Variants in OSBPL10 observed in about 807,000 individuals in gnomAD.
OSBPL10 encodes the protein oxysterol binding protein like 10, also known as oxysterol-binding protein-related protein 10.
In OSBPL10, 49 loss-of-function variants were observed where a neutral mutation model predicts 81.7. That is an observed-to-expected ratio of 0.60 (90% CI 0.48 to 0.76). OSBPL10 has a LOEUF of 0.76. OSBPL10 is among the 30% of genes least tolerant of loss of function. OSBPL10 has a pLI of 0.00. For synonymous variants in OSBPL10, 419 were observed against 383.6 expected (o/e 1.09, Z -1.08); for missense variants, 923 against 987.8 (o/e 0.93, Z 0.88).
chr3:32,023,661 G>A (rs931589107), intron 2 of OSBPL10, among the ~76,000 whole-genome samples: 1 of 152,126 alleles, frequency 6.6e-6, no homozygotes, highest in Non-Finnish European at 1.5e-5. Context: ...AGAACCGCTG[G>A]TGAAAATTAA....
Position 31,780,276 on chromosome 3 carries a change from G to C in OSBPL10, c.730-32156C>G, listed in dbSNP as rs541219738. 1.1e-3 allele frequency among the ~76,000 whole-genome samples: 165 copies of C among 152,210 alleles called. 1 individual carries two copies. Among genetic ancestry groups the C allele is most frequent in the Middle Eastern group, 3.4e-3 (1 of 294 alleles). ...CCACTGCACTCTAGCCTGGGTGACA[G>C]AGCAAGACTCCGTCAAAAAAAAAGA... On this transcript the variant is annotated intron_variant, in intron 4 of 11. Transcript: ENST00000396556.
At chr3:31,869,309 T>C (rs1701261162) in intron 3 of OSBPL10, among the ~76,000 whole-genome samples, 1 of 152,188 alleles carries the variant, frequency 6.6e-6, no homozygotes, top group Non-Finnish European at 1.5e-5. Context: ...AACCCCACAA[T>C]ATCATTTCTA....
At chr3:31,883,859 A>G (rs1321064701) in intron 1 of OSBPL10, among the ~76,000 whole-genome samples, 1 of 152,150 alleles carries the variant, frequency 6.6e-6, no homozygotes, top group Non-Finnish European at 1.5e-5. Context: ...GTAGAAAAGG[A>G]AGGGGATAAA....
chr3:32,054,832 T>C (rs1037015100), intron 1 of OSBPL10, among the ~76,000 whole-genome samples: 11 of 152,014 alleles, frequency 7.2e-5, no homozygotes, highest in African/African-American at 2.7e-4. Context: ...TGCCCAGCAA[T>C]TGTGGCTTTA....
At chr3:31,990,257 G>T in intron 2 of OSBPL10, 1 of 1,613,870 alleles carries the variant, frequency 6.2e-7, no homozygotes, top group Non-Finnish European at 8.5e-7. Flanking sequence ...GCAATCCATG[G>T]TATAGGGAAA....
At chr3:32,007,632 C>T (rs574906653) in intron 2 of OSBPL10, among the ~76,000 whole-genome samples, 9 of 152,236 alleles carry the variant, frequency 5.9e-5, no homozygotes, top group Non-Finnish European at 1.0e-4. Flanking sequence ...CTCTCTTATA[C>T]GGACACTAAT....
At chr3:31,846,056 A>C (rs930612423) in intron 3 of OSBPL10, among the ~76,000 whole-genome samples, 2 of 152,168 alleles carry the variant, frequency 1.3e-5, no homozygotes, top group African/African-American at 4.8e-5. Flanking sequence ...TCTGTCACCC[A>C]GGATGAAGTG....
At chr3:31,817,231 G>GA (rs1699860214) in intron 4 of OSBPL10, among the ~76,000 whole-genome samples, 1 of 152,178 alleles carries the variant, frequency 6.6e-6, no homozygotes, top group African/African-American at 2.4e-5. Context: ...CCTAAAGATG[G>GA]GGCCTTACTG....
intron 4 of OSBPL10, among the ~76,000 whole-genome samples, chr3:31,776,806 T>G (rs992819263): frequency 2.0e-5 from 3 of 152,142 alleles, no homozygotes; most frequent in African/African-American, 4.8e-5. Flanking sequence ...GAGGGCTGAC[T>G]GCTACACAGG....
At chr3:31,965,650 A>G (rs1698341604) in intron 1 of OSBPL10, among the ~76,000 whole-genome samples, 5 of 61,424 alleles carry the variant, frequency 8.1e-5, no homozygotes, top group African/African-American at 3.2e-4. Flanking sequence ...TATAAATTAT[A>G]TATTATATAT....
chr3:31,693,844 T>C (rs1460670909), intron 7 of OSBPL10, among the ~76,000 whole-genome samples: 1 of 152,192 alleles, frequency 6.6e-6, no homozygotes, highest in South Asian at 2.1e-4. Context: ...CATAGCTCAC[T>C]AGAGCCTCAA....
In OSBPL10 at chr3:31,830,224, G is replaced by A; in HGVS notation, c.545C>T (p.Pro182Leu). The change falls in exon 4 of 12, where the codon CCA becomes CTA. Residue 182 changes from proline to leucine, a missense_variant. This residue lies in a region of OSBPL10 where 514 missense variants were observed against 508.0 expected (regional missense o/e 1.01). Transcript: ENST00000396556. ...YHMEMNSKSA[P>L]SSRSRSLTLL... Reference sequence around the variant, plus strand: ...AGTGAGACTTCGGCTTCGGGAGCTTGGAGCACTCTAGAATAAGCAACAGGT... The same window carrying A: ...AGTGAGACTTCGGCTTCGGGAGCTTAGAGCACTCTAGAATAAGCAACAGGT... 1.2e-6 allele frequency: 2 copies of A among 1,613,322 alleles called. No homozygotes were observed. The highest frequency in any genetic ancestry group is 1.7e-6 in the Non-Finnish European group (2 of 1,179,660).
chr3:31,835,926 C>T (rs959554449), intron 3 of OSBPL10, among the ~76,000 whole-genome samples: 1 of 152,146 alleles, frequency 6.6e-6, no homozygotes, highest in East Asian at 1.9e-4. Context: ...AGTCAACCTC[C>T]GAATAAAATG....
At chr3:31,741,175 A>T (rs1030478496) in intron 5 of OSBPL10, among the ~76,000 whole-genome samples, 9 of 152,238 alleles carry the variant, frequency 5.9e-5, no homozygotes, top group African/African-American at 1.9e-4. Context: ...ATAGAATAAG[A>T]TTGAAATTCA....
At chr3:31,802,029 G>A (rs1438056004) in intron 4 of OSBPL10, among the ~76,000 whole-genome samples, 1 of 151,472 alleles carries the variant, frequency 6.6e-6, no homozygotes, top group Non-Finnish European at 1.5e-5. Context: ...CTCCATATTG[G>A]TCAGGCTGGT....
chr3:32,011,718 A>G (rs1382652092), intron 2 of OSBPL10, among the ~76,000 whole-genome samples: 2 of 152,244 alleles, frequency 1.3e-5, no homozygotes, highest in East Asian at 1.9e-4. Context: ...ATGGCTAACT[A>G]GAATAATAAC....
intron 1 of OSBPL10, among the ~76,000 whole-genome samples, chr3:31,922,213 G>A (rs918061686): frequency 1.3e-5 from 2 of 152,220 alleles, no homozygotes; most frequent in African/African-American, 2.4e-5. Flanking sequence ...ATAATGAGGT[G>A]TAATATCGGT....
chr3:31,792,464 C>T (rs551381484), intron 4 of OSBPL10, among the ~76,000 whole-genome samples: 1 of 152,106 alleles, frequency 6.6e-6, no homozygotes, highest in African/African-American at 2.4e-5. Context: ...TCAACATTGG[C>T]GACAATTAAA....
At chr3:31,804,544 G>C (rs1699476231) in intron 4 of OSBPL10, among the ~76,000 whole-genome samples, 1 of 152,166 alleles carries the variant, frequency 6.6e-6, no homozygotes, top group African/African-American at 2.4e-5. Context: ...CAGAAGGGGA[G>C]AGAAAAATAT....
Sources: gnomAD v4.1 joint callset for allele counts (sites outside exome capture counted in the v4.1 genomes callset) on GRCh38, gnomAD v4.1.1 for gene constraint, gnomAD v4.1.1 regional missense constraint, MANE v1.5 for transcripts, NCBI Gene and HGNC (gene_info 2026-07-23, HGNC 2026-07-21) for gene names.